Variants in DLG2 observed in about 807,000 individuals in gnomAD.
DLG2 encodes discs large MAGUK scaffold protein 2.
DLG2 carries 45 observed loss-of-function variants against 132.5 expected under a neutral mutation model. The observed-to-expected ratio is 0.34, with a 90% CI of 0.27 to 0.44. DLG2 has a LOEUF of 0.44. Among genes scored for constraint, DLG2 ranks in the 20% least tolerant of loss-of-function variants. DLG2 has a pLI of 1.00. For synonymous variants in DLG2, 424 were observed against 419.6 expected (o/e 1.01, Z -0.13); for missense variants, 1,045 against 1,196.9 (o/e 0.87, Z 1.87).
chr11:84,179,850 C>T (rs2096070576), intron 8 of DLG2, among the ~76,000 whole-genome samples: 1 of 152,104 alleles, frequency 6.6e-6, no homozygotes, highest in South Asian at 2.1e-4. Context: ...AACAGAGAAG[C>T]ACTGGTGAAA....
intron 6 of DLG2, among the ~76,000 whole-genome samples, chr11:84,552,028 T>A (rs1436221231): frequency 2.0e-5 from 3 of 152,126 alleles, no homozygotes; most frequent in Non-Finnish European, 2.9e-5. Flanking sequence ...CAAGATGGTT[T>A]ACATTAGACT....
At position 83,756,539 on chromosome 11, in the gene DLG2, T is replaced by C. The variant is rs190038552; in HGVS notation, c.1825+30151A>G. ...TAGCTGGAGTCCTGGGTCTTCCTCC[T>C]ACAAGCTGTGAGCCTGAACAGATCA... On this transcript the variant is annotated intron_variant, in intron 18 of 27. Coordinates refer to ENST00000376104, the MANE Select transcript of DLG2 (RefSeq NM_001142699.3). Among the ~76,000 whole-genome samples, 14 of 151,608 alleles carry C rather than the reference T, an allele frequency of 9.2e-5. 1 individual carries two copies. The highest frequency in any genetic ancestry group is 3.4e-3 in the Middle Eastern group (1 of 294).
chr11:85,067,657 C>CA (rs1352800364), intron 6 of DLG2, among the ~76,000 whole-genome samples: 2 of 151,682 alleles, frequency 1.3e-5, no homozygotes, highest in Admixed American at 6.6e-5. Context: ...GCCGACCAAT[C>CA]AAAAAAAGTC....
intron 8 of DLG2, among the ~76,000 whole-genome samples, chr11:84,175,059 G>GGAAA (rs1443885709): frequency 1.2e-4 from 19 of 152,118 alleles, no homozygotes; most frequent in African/African-American, 4.6e-4. Flanking sequence ...ACTTACTGAT[G>GGAAA]GAAAGTATGT....
intron 6 of DLG2, among the ~76,000 whole-genome samples, chr11:84,695,968 C>G (rs2058570609): frequency 6.6e-6 from 1 of 151,416 alleles, no homozygotes; most frequent in South Asian, 2.1e-4. Flanking sequence ...AAAATCCTAC[C>G]AGTTTTCAAA....
chr11:83,801,273 T>C (rs892157846), intron 17 of DLG2, among the ~76,000 whole-genome samples: 3 of 151,766 alleles, frequency 2.0e-5, no homozygotes, highest in Non-Finnish European at 4.4e-5. Flanking sequence ...CCTCGATGGG[T>C]CCCTCCATTG....
intron 3 of DLG2, among the ~76,000 whole-genome samples, chr11:85,478,707 T>A (rs957005645): frequency 6.6e-6 from 1 of 152,212 alleles, no homozygotes; most frequent in Admixed American, 6.5e-5. Flanking sequence ...TAGGGCACAG[T>A]CCTGTTATGA....
intron 7 of DLG2, among the ~76,000 whole-genome samples, chr11:84,298,487 C>T (rs1245579256): frequency 6.6e-6 from 1 of 152,120 alleles, no homozygotes; most frequent in Admixed American, 6.5e-5. Flanking sequence ...TCCACCTCTA[C>T]CAATTTTTAA....
At chr11:85,576,711 C>A (rs915205701) in intron 3 of DLG2, among the ~76,000 whole-genome samples, 1 of 152,090 alleles carries the variant, frequency 6.6e-6, no homozygotes, top group African/African-American at 2.4e-5. Flanking sequence ...GTGAACAAGA[C>A]AACCAAGTTC....
intron 6 of DLG2, among the ~76,000 whole-genome samples, chr11:84,866,945 G>A (rs1054950791): frequency 2.6e-5 from 4 of 152,160 alleles, no homozygotes; most frequent in Admixed American, 1.3e-4. Context: ...AAAGGCAGGG[G>A]CCATAGTTGT....
intron 9 of DLG2, among the ~76,000 whole-genome samples, chr11:84,129,843 G>T (rs1247045998): frequency 6.6e-6 from 1 of 151,514 alleles, no homozygotes; most frequent in Non-Finnish European, 1.5e-5. Context: ...AGTGAACTAT[G>T]AATTATATCT....
At chr11:85,380,984 C>G (rs1037827128) in intron 3 of DLG2, among the ~76,000 whole-genome samples, 1 of 152,168 alleles carries the variant, frequency 6.6e-6, no homozygotes, top group African/African-American at 2.4e-5. Context: ...ATCACATGAA[C>G]TTTTTGGTTT....
At chr11:85,304,972 G>C (rs1193505677) in intron 3 of DLG2, among the ~76,000 whole-genome samples, 2 of 152,116 alleles carry the variant, frequency 1.3e-5, no homozygotes, top group Non-Finnish European at 2.9e-5. Context: ...ATCTTTCCAG[G>C]TACATTCAAC....
intron 3 of DLG2, among the ~76,000 whole-genome samples, chr11:85,326,250 C>G (rs1467528815): frequency 7.1e-6 from 1 of 141,194 alleles, no homozygotes; most frequent in African/African-American, 2.7e-5. Flanking sequence ...GGCCAACGTT[C>G]AGATTCGGGA....
chr11:83,766,743 T>C (rs1189163868), intron 18 of DLG2, among the ~76,000 whole-genome samples: 1 of 152,186 alleles, frequency 6.6e-6, no homozygotes, highest in Non-Finnish European at 1.5e-5. Flanking sequence ...CTCATCATCT[T>C]TTATGGTTTC....
intron 17 of DLG2, among the ~76,000 whole-genome samples, chr11:83,820,677 C>A (rs552294741): frequency 6.6e-6 from 1 of 152,190 alleles, no homozygotes; most frequent in South Asian, 2.1e-4. Context: ...GGCCTGACAA[C>A]TGAGGAAGGG....
intron 8 of DLG2, among the ~76,000 whole-genome samples, chr11:84,184,712 T>C (rs2096239636): frequency 6.6e-6 from 1 of 152,068 alleles, no homozygotes; most frequent in Non-Finnish European, 1.5e-5. Flanking sequence ...AGGTCTAACG[T>C]TTAAGTCTTT....
At chr11:84,393,770 G>A (rs1207402599) in intron 7 of DLG2, among the ~76,000 whole-genome samples, 1 of 151,946 alleles carries the variant, frequency 6.6e-6, no homozygotes, top group East Asian at 1.9e-4. Context: ...GGTCACCCTT[G>A]AAATTATAAC....
intron 6 of DLG2, among the ~76,000 whole-genome samples, chr11:85,084,620 T>C (rs1348316113): frequency 1.3e-5 from 2 of 152,170 alleles, no homozygotes; most frequent in Non-Finnish European, 2.9e-5. Flanking sequence ...AAGATGTTAC[T>C]GGCTAATCCA....
Sources: allele counts gnomAD v4.1 joint callset (sites outside exome capture counted in the v4.1 genomes callset), GRCh38; gene constraint gnomAD v4.1.1; transcripts MANE v1.5; gene names NCBI Gene and HGNC (gene_info 2026-07-23, HGNC 2026-07-21).